Variants in NDST1 observed in about 807,000 individuals in gnomAD.
NDST1 encodes bifunctional heparan sulfate N-deacetylase/N-sulfotransferase 1.
Under a neutral mutation model 92.8 loss-of-function variants are expected in NDST1, and 35 were observed. The observed-to-expected ratio is 0.38, with a 90% CI of 0.29 to 0.50. The LOEUF (loss-of-function observed/expected upper bound fraction) is 0.50. Ranked by LOEUF, NDST1 falls within the 20% of genes least tolerant of loss-of-function variation. The pLI is 0.94. For synonymous variants in NDST1, 493 were observed against 500.3 expected (o/e 0.99, Z 0.19); for missense variants, 822 against 1,182.7 (o/e 0.69, Z 4.47).
Position 150,521,410 on chromosome 5 carries a change from C to A in NDST1, c.156C>A (p.Pro52=), listed in dbSNP as rs151284158. The A allele has an allele frequency of 3.7e-6, 6 of 1,613,038 alleles. No homozygotes were observed. In the Admixed American group the frequency reaches 6.7e-5, roughly 18 times the overall value. The change falls in exon 2 of 15, where the codon CCC becomes CCA. Residue 52 remains proline, a synonymous_variant. Coordinates refer to ENST00000261797, the MANE Select transcript of NDST1 (RefSeq NM_001543.5). The surrounding 1 kb of genome is among the most constrained non-coding windows in gnomAD (Gnocchi z 5.9). ...KRGLEPSADA[P]EPDCGDPPPV... Reference sequence around the variant, plus strand: ...GCCTGGAGCCCTCGGCGGATGCCCCCGAGCCTGACTGCGGGGACCCGCCGC... The same window carrying A: ...GCCTGGAGCCCTCGGCGGATGCCCCAGAGCCTGACTGCGGGGACCCGCCGC...
Position 150,545,360 on chromosome 5 carries a change from C to T in NDST1, c.2019C>T (p.Tyr673=). Residue 673 remains tyrosine (Y), a synonymous_variant, in exon 11 of 15, where the codon TAC becomes TAT. Transcript: ENST00000261797. The stretch of plus-strand genomic sequence containing the variant: ...CTTCCAACACCACCTCCGACTTCTA[C>T]TTTGAGAAAAGCGCCAACTACTTTG... ...PIPSNTTSDF[Y]FEKSANYFDS... 6.2e-7 allele frequency: 1 copy of T among 1,614,260 alleles called. No homozygotes were observed. Among genetic ancestry groups the T allele is most frequent in the East Asian group, 2.2e-5 (1 of 44,894 alleles).
chr5:150,535,848 C>G lies in NDST1; in HGVS notation c.1400C>G (p.Ala467Gly). ...GAGGAGTACCCCCACCTGAAGCCAG[C>G]CCGCTACCGCCGTGGCTTCATCCAC... ...STEEYPHLKP[A>G]RYRRGFIHNG... The change falls in exon 6 of 15, where the codon GCC (alanine) becomes GGC (glycine). Residue 467 changes from alanine to glycine, a missense_variant. Coordinates refer to ENST00000261797, the MANE Select transcript of NDST1 (RefSeq NM_001543.5). The G allele has an allele frequency of 6.2e-7, 1 of 1,613,930 alleles. No homozygotes were observed. Among genetic ancestry groups the G allele is most frequent in the East Asian group, 2.2e-5 (1 of 44,868 alleles).
At position 150,550,453 on chromosome 5, in the gene NDST1, G is replaced by A. The variant is rs73274411; in HGVS notation, c.2426+666G>A. The A allele has an allele frequency of 7.8e-3, 1,213 of 155,370 alleles. 19 individuals carry two copies. Among genetic ancestry groups the A allele is most frequent in the African/African-American group, 0.027 (1,133 of 41,538 alleles). The allele number at this position is 155,370 out of a possible 1,614,324, so 9.6% of individuals were successfully genotyped here. On this transcript the variant is annotated intron_variant, in intron 13 of 14. Coordinates refer to ENST00000261797, the MANE Select transcript of NDST1 (RefSeq NM_001543.5). ...CAAATGTTGTTGACAGTTAATAACC[G>A]TACTCACTCAGAACCTGGTGCAAGT...
intron 8 of NDST1, 111 bp downstream of exon 8, chr5:150,540,375 C>T (rs762200868): frequency 1.4e-4 from 170 of 1,185,688 alleles, no homozygotes; most frequent in Non-Finnish European, 1.5e-4. Flanking sequence ...TTCACACTCT[C>T]GCTCGAATGT....
chr5:150,530,881 T>C (rs1380767207), intron 3 of NDST1, among the ~76,000 whole-genome samples: 3 of 151,936 alleles, frequency 2.0e-5, no homozygotes, highest in Non-Finnish European at 4.4e-5. Flanking sequence ...ATTTTTAAAG[T>C]GAAAGGAATG....
intron 1 of NDST1, among the ~76,000 whole-genome samples, chr5:150,502,869 T>C (rs1312238219): frequency 2.0e-5 from 3 of 152,010 alleles, no homozygotes; most frequent in Non-Finnish European, 4.4e-5. Flanking sequence ...CCAACAGAGC[T>C]CTTTGCCTTG....
Position 150,540,204 on chromosome 5 carries a change from T to C in NDST1, c.1689T>C (p.Pro563=). ...ACCTCCGGCTGCAGACACTGCCCCC[T>C]GTGCAGTTGGCGCAGAAGTACTTCC... ...WTNLRLQTLP[P]VQLAQKYFQI... Residue 563 remains proline, a synonymous_variant, in exon 8 of 15, where the codon CCT becomes CCC. Coordinates refer to ENST00000261797, the MANE Select transcript of NDST1 (RefSeq NM_001543.5). The C allele has an allele frequency of 6.2e-7, 1 of 1,614,128 alleles. No homozygotes were observed. The highest frequency in any genetic ancestry group is 8.5e-7 in the Non-Finnish European group (1 of 1,179,970).
intron 10 of NDST1, among the ~76,000 whole-genome samples, chr5:150,543,671 G>C (rs1755347695): frequency 6.6e-6 from 1 of 152,202 alleles, no homozygotes; most frequent in African/African-American, 2.4e-5. Flanking sequence ...CAATCATCAC[G>C]TGCATGGACT....
chr5:150,506,827 T>G (rs78182029), upstream of NDST1, among the ~76,000 whole-genome samples: 684 of 152,304 alleles, frequency 4.5e-3, 4 homozygotes, highest in African/African-American at 0.016. Context: ...GCTGCTTTCA[T>G]GTGGGCCCTC....
In NDST1 at chr5:150,521,839, G is replaced by A. The variant is rs764687407; in HGVS notation, c.513+72G>A. On this transcript the variant is annotated intron_variant, in intron 2 of 14. Coordinates refer to ENST00000261797, the MANE Select transcript of NDST1 (RefSeq NM_001543.5). The surrounding 1 kb of genome is among the most constrained non-coding windows in gnomAD (Gnocchi z 5.9). Reference sequence around the variant, plus strand: ...GCTCAGTGCCTGAATTCTCATTTGTGAAATAGGTGTAATGGTAGCACCCGC... The same window carrying A: ...GCTCAGTGCCTGAATTCTCATTTGTAAAATAGGTGTAATGGTAGCACCCGC... 8 of 1,590,774 alleles carry A rather than the reference G, an allele frequency of 5.0e-6. No individual in the cohort carries two copies. Among genetic ancestry groups the A allele is most frequent in the Non-Finnish European group, 6.8e-6 (8 of 1,170,708 alleles).
At chr5:150,543,906 A>G (rs1211125669) in intron 10 of NDST1, among the ~76,000 whole-genome samples, 2 of 152,086 alleles carry the variant, frequency 1.3e-5, no homozygotes, top group Admixed American at 1.3e-4. Flanking sequence ...CAGCCTCCCA[A>G]GTAGCTGGGA....
chr5:150,538,392 G>T (rs1404408290), intron 6 of NDST1, among the ~76,000 whole-genome samples: 1 of 152,196 alleles, frequency 6.6e-6, no homozygotes. Context: ...AGACTGTAGG[G>T]GACAAAAGTG....
chr5:150,501,195 T>G (rs1399658479), intron 1 of NDST1, among the ~76,000 whole-genome samples: 1 of 152,210 alleles, frequency 6.6e-6, no homozygotes, highest in East Asian at 1.9e-4. Context: ...AGAACAAAGC[T>G]TCCTTCTGAT....
intron 8 of NDST1, among the ~76,000 whole-genome samples, chr5:150,540,709 G>T (rs775391221): frequency 1.3e-5 from 2 of 152,108 alleles, no homozygotes; most frequent in Non-Finnish European, 2.9e-5. Context: ...CCAGCTACTC[G>T]TGAGGCAGAG....
intron 13 of NDST1, among the ~76,000 whole-genome samples, chr5:150,551,384 G>T (rs188053929): frequency 6.6e-6 from 1 of 151,938 alleles, no homozygotes; most frequent in Admixed American, 6.6e-5. Context: ...GGTAAAGAAG[G>T]CTTCTTGGGT....
Position 150,555,904 on chromosome 5 carries a change from AGTCT to A in NDST1, c.*2578_*2581del, listed in dbSNP as rs1037838481. 1.3e-5 allele frequency: 2 copies of A among 152,316 alleles called. No homozygotes were observed. Among genetic ancestry groups the A allele is most frequent in the Non-Finnish European group, 2.9e-5 (2 of 68,138 alleles). 9.4% of individuals were successfully genotyped at this position (152,316 alleles called of 1,614,324 possible). ...GAGACTGGACCTGCCACATGTTCCA[AGTCT>A]GTCTGCCTAGGTCACTGCTGCCACT... On this transcript the variant is annotated 3_prime_UTR_variant, in exon 15 of 15. Transcript: ENST00000261797.
chr5:150,500,385 A>G (rs1164779279), intron 1 of NDST1, among the ~76,000 whole-genome samples: 4 of 152,214 alleles, frequency 2.6e-5, no homozygotes, highest in African/African-American at 9.7e-5. Context: ...GCTGGGCGAC[A>G]TTAACCATGC....
chr5:150,542,660 A>G (rs770753101), intron 9 of NDST1, among the ~76,000 whole-genome samples, 188 bp from the exon 10 acceptor site: 6 of 152,228 alleles, frequency 3.9e-5, no homozygotes, highest in Middle Eastern at 3.2e-3. Context: ...GTTCACATGC[A>G]TGCCATATAT....
At position 150,553,829 on chromosome 5, in the gene NDST1, G is replaced by C. The variant is rs1755814193; in HGVS notation, c.*497G>C. On this transcript the variant is annotated 3_prime_UTR_variant, in exon 15 of 15. Transcript: ENST00000261797. The surrounding 1 kb of genome is among the most constrained non-coding windows in gnomAD (Gnocchi z 4.2). ...GGGGCCAGCTGGGTCCCCGGAGTCAGTCCTAGGCTGGATGGGAGGGTGGCC... is the reference window on the plus strand; with the variant it reads ...GGGGCCAGCTGGGTCCCCGGAGTCACTCCTAGGCTGGATGGGAGGGTGGCC... 1 of 442,090 alleles carries C rather than the reference G, an allele frequency of 2.3e-6. No individual in the cohort carries two copies. Among genetic ancestry groups the C allele is most frequent in the African/African-American group, 1.9e-5 (1 of 51,474 alleles). The allele number at this position is 442,090 out of a possible 1,614,324, so 27.4% of individuals were successfully genotyped here.
Sources: allele counts gnomAD v4.1 joint callset (sites outside exome capture counted in the v4.1 genomes callset), GRCh38; gene constraint gnomAD v4.1.1; non-coding constraint Gnocchi (gnomAD v3.1); transcripts MANE v1.5; gene names NCBI Gene and HGNC (gene_info 2026-07-23, HGNC 2026-07-21).